CDH6: variants seen among roughly 807,000 people sequenced by gnomAD.
CDH6 encodes the protein cadherin 6, also known as cadherin-6.
CDH6 carries 31 observed loss-of-function variants against 78.0 expected under a neutral mutation model. The observed-to-expected ratio is 0.40, with a 90% confidence interval of 0.30 to 0.54. The LOEUF is 0.54. CDH6 is among the 20% of genes least tolerant of loss of function. CDH6 has a pLI of 0.56. For missense variants in CDH6, 724 were observed against 975.9 expected (o/e 0.74, Z 3.44); for synonymous variants, 376 against 368.8 (o/e 1.02, Z -0.23).
chr5:31,305,684 C>T (rs756656453), intron 7 of CDH6, among the ~76,000 whole-genome samples: 11 of 152,074 alleles, frequency 7.2e-5, no homozygotes, highest in South Asian at 2.1e-4. Context: ...TTCACAAATC[C>T]GGAAGTTCCT....
rs1366586929 is a variant in CDH6, at chr5:31,326,313, A to G, written c.*3005A>G. On this transcript the variant is annotated 3_prime_UTR_variant, in exon 12 of 12. Transcript: ENST00000265071. ...GCAAGAGTTCCTTTAAACTACTAAG[A>G]TATTCCCTAGAATAAGCTGAATTTA... is the stretch of plus-strand genomic sequence containing the variant. 1 of 218,226 alleles carries G rather than the reference A, an allele frequency of 4.6e-6. No homozygotes were observed. The highest frequency in any genetic ancestry group is 6.8e-5 in the East Asian group (1 of 14,722). 13.5% of individuals were successfully genotyped at this position (218,226 alleles called of 1,614,324 possible). A position where few individuals can be genotyped will look rare whatever the true frequency, so the allele number is the denominator to read the frequency against.
intron 1 of CDH6, among the ~76,000 whole-genome samples, chr5:31,233,890 G>A (rs966030304): frequency 6.6e-6 from 1 of 152,128 alleles, no homozygotes; most frequent in Non-Finnish European, 1.5e-5. Flanking sequence ...TCATTCACTT[G>A]CTTCGAGTGT....
intron 9 of CDH6, among the ~76,000 whole-genome samples, chr5:31,316,706 G>A (rs1333826888): frequency 1.1e-4 from 16 of 152,104 alleles, no homozygotes; most frequent in Admixed American, 1.0e-3. Flanking sequence ...TTGACCATCT[G>A]TGTAAGTAAT....
At chr5:31,200,629 C>T (rs1346855055) in intron 1 of CDH6, among the ~76,000 whole-genome samples, 3 of 147,886 alleles carry the variant, frequency 2.0e-5, no homozygotes, top group Non-Finnish European at 4.5e-5. Context: ...CACCAGAAAA[C>T]AATCGCCACA....
At chr5:31,196,962 G>T (rs1264626370) in intron 1 of CDH6, among the ~76,000 whole-genome samples, 1 of 136,370 alleles carries the variant, frequency 7.3e-6, no homozygotes, top group South Asian at 2.4e-4. Flanking sequence ...GCCGCCCCCC[G>T]CCCCCCAACC....
intron 1 of CDH6, among the ~76,000 whole-genome samples, chr5:31,201,462 C>T (rs1740346704): frequency 6.6e-6 from 1 of 152,094 alleles, no homozygotes; most frequent in South Asian, 2.1e-4. Flanking sequence ...GAAATGATGA[C>T]AACCTATTGT....
intron 1 of CDH6, among the ~76,000 whole-genome samples, chr5:31,215,333 G>C (rs1740833790): frequency 6.6e-6 from 1 of 152,124 alleles, no homozygotes; most frequent in South Asian, 2.1e-4. Context: ...AGAATGCTGT[G>C]AAGGTAATAG....
chr5:31,307,765 A>G (rs1313281906), intron 7 of CDH6, among the ~76,000 whole-genome samples: 2 of 152,316 alleles, frequency 1.3e-5, no homozygotes, highest in African/African-American at 4.8e-5. Flanking sequence ...TGATAGATCA[A>G]CTTTTTTTTA....
chr5:31,325,942 G>C lies in CDH6; in HGVS notation c.*2634G>C. ...CATCGTGGAACCAATAAGAGTCATA[G>C]TTCCATCATTCTCCAGCTTCGTCTC... On this transcript the variant is annotated 3_prime_UTR_variant, in exon 12 of 12. Coordinates refer to ENST00000265071, the MANE Select transcript of CDH6 (RefSeq NM_004932.4). 1 of 232,272 alleles carries C rather than the reference G, an allele frequency of 4.3e-6. No homozygotes were observed. The highest frequency in any genetic ancestry group is 6.1e-5 in the East Asian group (1 of 16,444). The allele number at this position is 232,272 out of a possible 1,614,324, so 14.4% of individuals were successfully genotyped here.
rs1737521808 is a variant in CDH6, at chr5:31,294,409, T to G, written c.523+153T>G. 6.6e-6 allele frequency among the ~76,000 whole-genome samples: 1 copy of G among 152,226 alleles called. No individual in the cohort carries two copies. ...CCTTTCTGTAAGTGCATATGTTTCC[T>G]AATATTACTCTAGTCTCATTTTGTG... On this transcript the variant is annotated intron_variant, in intron 3 of 11. Transcript: ENST00000265071. The surrounding 1 kb of genome is among the most constrained non-coding windows in gnomAD (Gnocchi z 4.1).
chr5:31,317,539 G>A (rs1226953817), intron 10 of CDH6, 47 bp downstream of exon 10: 7 of 1,516,578 alleles, frequency 4.6e-6, no homozygotes, highest in Non-Finnish European at 6.4e-6. Context: ...ATCTATATCC[G>A]TAACTGTTTC....
At chr5:31,299,778 A>G in intron 5 of CDH6, 147 bp downstream of exon 5, 1 of 655,078 alleles carries the variant, frequency 1.5e-6, no homozygotes, top group Non-Finnish European at 2.6e-6. Context: ...AGTTGACAAC[A>G]TGGCATACAC....
At chr5:31,249,589 G>A (rs1026776644) in intron 1 of CDH6, 1 of 152,220 alleles carries the variant, frequency 6.6e-6, no homozygotes, top group Non-Finnish European at 1.5e-5. Context: ...AAACCAGAGA[G>A]CCTGGGATCA....
intron 1 of CDH6, among the ~76,000 whole-genome samples, chr5:31,204,321 C>T (rs565030997): frequency 6.6e-6 from 1 of 152,244 alleles, no homozygotes; most frequent in Non-Finnish European, 1.5e-5. Flanking sequence ...GAGATGACCT[C>T]AGTACATGAG....
intron 6 of CDH6, 145 bp downstream of exon 6, chr5:31,302,443 C>A: frequency 1.5e-6 from 1 of 654,550 alleles, no homozygotes; most frequent in Non-Finnish European, 2.5e-6. Flanking sequence ...CCAGTTCTGG[C>A]CGGGCATGGT....
intron 8 of CDH6, among the ~76,000 whole-genome samples, chr5:31,314,878 C>T (rs964912412): frequency 6.6e-6 from 1 of 152,146 alleles, no homozygotes; most frequent in Non-Finnish European, 1.5e-5. Context: ...TGGTGACTAT[C>T]TCTTGAAAGT....
intron 1 of CDH6, among the ~76,000 whole-genome samples, chr5:31,256,460 G>C (rs1323448464): frequency 6.6e-6 from 1 of 152,180 alleles, no homozygotes; most frequent in Non-Finnish European, 1.5e-5. Flanking sequence ...TTTTGTAAAA[G>C]AAAGAGCAAA....
chr5:31,251,510 A>G (rs934032656), intron 1 of CDH6: 1 of 152,218 alleles, frequency 6.6e-6, no homozygotes, highest in African/African-American at 2.4e-5. Flanking sequence ...TGTCTAGAAT[A>G]TAGAGGGATG....
chr5:31,217,201 G>C (rs894075224), intron 1 of CDH6, among the ~76,000 whole-genome samples: 1 of 152,060 alleles, frequency 6.6e-6, no homozygotes, highest in Non-Finnish European at 1.5e-5. Flanking sequence ...CATAAATTTA[G>C]ATCCGTTTTA....
Sources: allele counts gnomAD v4.1 joint callset (sites outside exome capture counted in the v4.1 genomes callset), GRCh38; gene constraint gnomAD v4.1.1; non-coding constraint Gnocchi (gnomAD v3.1); transcripts MANE v1.5; gene names NCBI Gene and HGNC (gene_info 2026-07-23, HGNC 2026-07-21).